LYPD8: variants seen among roughly 807,000 people sequenced by gnomAD.
LYPD8 encodes the protein LY6/PLAUR domain containing 8.
In LYPD8, 8 loss-of-function variants were observed where a neutral mutation model predicts 1.7. That is an observed-to-expected ratio of 4.58 (90% confidence interval 2.69 to 8.27). The LOEUF is 8.27. LYPD8 is among the 30% of genes most tolerant of loss of function. The pLI is 0.00. For synonymous variants in LYPD8, 50 were observed against 43.6 expected, an observed-to-expected ratio of 1.15 and a Z score of -0.58; for missense variants, 112 against 102.3, an observed-to-expected ratio of 1.09 and a Z score of -0.41.
At chr1:248,746,182 T>A (rs953293469) in intron 5 of LYPD8, among the ~76,000 whole-genome samples, 3 of 152,236 alleles carry the variant, frequency 2.0e-5, no homozygotes, top group Non-Finnish European at 2.9e-5. Context: ...ATTATTAGCT[T>A]TAATTTCTAA....
At chr1:248,750,672 CA>C (rs1662785639) in intron 3 of LYPD8, 29 bp from the exon 4 acceptor site, 1 of 398,402 alleles carries the variant, frequency 2.5e-6, no homozygotes, top group Non-Finnish European at 4.4e-6. Flanking sequence ...CAACACCAGT[CA>C]ACATTCAGTA....
intron 6 of LYPD8, among the ~76,000 whole-genome samples, chr1:248,743,959 G>C (rs538282861): frequency 6.6e-6 from 1 of 152,172 alleles, no homozygotes; most frequent in East Asian, 1.9e-4. Context: ...AGGCTTTGGA[G>C]GTTGTTCTTT....
At chr1:248,754,647 C>T (rs1662894252) in intron 2 of LYPD8, among the ~76,000 whole-genome samples, 1 of 152,148 alleles carries the variant, frequency 6.6e-6, no homozygotes, top group African/African-American at 2.4e-5. Context: ...ACCACACACC[C>T]TACCCTGATA....
Position 248,755,255 on chromosome 1 carries a change from A to C in LYPD8, c.-66T>G, listed in dbSNP as rs1168579622. On this transcript the variant is annotated 5_prime_UTR_variant, in exon 2 of 7. Transcript: ENST00000590317. ...GGCCCCCACCTGGGACATGAGAAGA[A>C]GTGGCATCTTAGGCCGTTTCACTAG... 6.6e-6 allele frequency: 1 copy of C among 152,302 alleles called. No individual in the cohort carries two copies. Among genetic ancestry groups the C allele is most frequent in the East Asian group, 1.9e-4 (1 of 5,190 alleles). 9.4% of individuals were successfully genotyped at this position (152,302 alleles called of 1,614,324 possible). A position where few individuals can be genotyped will look rare whatever the true frequency, so the allele number is the denominator to read the frequency against.
chr1:248,752,962 C>CA (rs1662841183), intron 2 of LYPD8, among the ~76,000 whole-genome samples: 3 of 125,610 alleles, frequency 2.4e-5, no homozygotes, highest in East Asian at 5.0e-4. Context: ...ACACCAAACA[C>CA]CCCACACAAC....
intron 5 of LYPD8, among the ~76,000 whole-genome samples, chr1:248,745,834 G>T (rs1183930456): frequency 3.3e-5 from 5 of 152,200 alleles, no homozygotes; most frequent in African/African-American, 1.2e-4. Context: ...AGGAAGCCTT[G>T]AGTCCCTGAG....
intron 2 of LYPD8, among the ~76,000 whole-genome samples, chr1:248,754,145 A>G (rs1662887440): frequency 1.3e-5 from 2 of 150,726 alleles, no homozygotes; most frequent in South Asian, 4.2e-4. Context: ...CACACTTCAC[A>G]CACACCACAC....
Position 248,745,167 on chromosome 1 carries a change from G to A in LYPD8, c.450C>T (p.Val150=), listed in dbSNP as rs1662708740. ...PWKCYEEEQC[V]FLVAELKNDI... The stretch of plus-strand genomic sequence containing the variant: ...CATTCTTAAGTTCTGCAACTAGAAA[G>A]ACACACTGTTCTTCTTCATAGCATT... Residue 150 remains valine (V), a synonymous_variant, in exon 6 of 7, where the codon GTC becomes GTT. Transcript: ENST00000590317. 1 of 398,466 alleles carries A rather than the reference G, an allele frequency of 2.5e-6. No homozygotes were observed. The highest frequency in any genetic ancestry group is 4.4e-5 in the Admixed American group (1 of 22,700). The allele number at this position is 398,466 out of a possible 1,614,324, so 24.7% of individuals were successfully genotyped here.
intron 2 of LYPD8, among the ~76,000 whole-genome samples, chr1:248,753,822 CATA>C (rs2103175210): frequency 6.8e-6 from 1 of 146,574 alleles, no homozygotes; most frequent in East Asian, 2.1e-4. Flanking sequence ...ACACACACCA[CATA>C]ACATCACATG....
chr1:248,750,327 G>A (rs1558208073), intron 4 of LYPD8, among the ~76,000 whole-genome samples, 197 bp downstream of exon 4: 1 of 152,138 alleles, frequency 6.6e-6, no homozygotes, highest in Non-Finnish European at 1.5e-5. Context: ...GGCTCCTGTG[G>A]CTTTGACCCT....
At position 248,739,788 on chromosome 1, in the gene LYPD8, C is replaced by A; in HGVS notation, c.537G>T (p.Gln179His). 1.3e-6 allele frequency: 2 copies of A among 1,551,760 alleles called. No homozygotes were observed. The highest frequency in any genetic ancestry group is 1.7e-6 in the Non-Finnish European group (2 of 1,147,008). ...GAGTCTTGTTTTCACCAGACAGGAA[C>A]TGACAGGTGGCGTTACTGACGTTGG... ...GCSNVSNATC[Q>H]FLSGENKTLG... Residue 179 changes from glutamine (Q) to histidine (H), a missense_variant, in exon 7 of 7, where the codon CAG (glutamine) becomes CAT (histidine). By Grantham distance (24) the Gln-to-His change is conservative (BLOSUM62 0). Coordinates refer to ENST00000590317, the MANE Select transcript of LYPD8 (RefSeq NM_001085474.2). This position sits in a 1 kb window ranked among gnomAD's most constrained non-coding sequence, Gnocchi z 4.3.
intron 2 of LYPD8, among the ~76,000 whole-genome samples, chr1:248,754,017 A>G (rs1332564299): frequency 1.7e-5 from 2 of 116,804 alleles, no homozygotes; most frequent in African/African-American, 3.6e-5. Context: ...CATACACTAC[A>G]TCACACACCA....
chr1:248,749,678 C>T (rs964921885), intron 4 of LYPD8, among the ~76,000 whole-genome samples: 2 of 152,160 alleles, frequency 1.3e-5, no homozygotes, highest in African/African-American at 4.8e-5. Context: ...AGCCTAATCA[C>T]TTCTGAATGG....
At position 248,750,606 on chromosome 1, in the gene LYPD8, T is replaced by C; in HGVS notation, c.90A>G (p.Lys30=). The C allele has an allele frequency of 2.5e-6, 1 of 398,484 alleles. No individual in the cohort carries two copies. Among genetic ancestry groups the C allele is most frequent in the Non-Finnish European group, 4.4e-6 (1 of 226,040 alleles). 24.7% of individuals were successfully genotyped at this position (398,484 alleles called of 1,614,324 possible). A position where few individuals can be genotyped will look rare whatever the true frequency, so the allele number is the denominator to read the frequency against. ...LSCVQCNSWE[K]SCVNSIASEC... is the part of the protein sequence containing the mutation. ...CAGAGGCAATGCTGTTGACACAGGA[T>C]TTTTCCCATGAATTACACTGCACGC... is the stretch of plus-strand genomic sequence containing the variant. The change falls in exon 4 of 7, where the codon AAA becomes AAG. Residue 30 remains lysine (K), a synonymous_variant. Coordinates refer to ENST00000590317, the MANE Select transcript of LYPD8 (RefSeq NM_001085474.2).
chr1:248,750,101 A>C (rs1196894867), intron 4 of LYPD8, among the ~76,000 whole-genome samples: 1 of 152,200 alleles, frequency 6.6e-6, no homozygotes, highest in Non-Finnish European at 1.5e-5. Context: ...AAGAGGTTAC[A>C]ATAGTAGTTA....
At position 248,739,769 on chromosome 1, in the gene LYPD8, T is replaced by C. The variant is rs1553283085; in HGVS notation, c.556A>G (p.Lys186Glu). 6.4e-6 allele frequency: 10 copies of C among 1,551,634 alleles called. No homozygotes were observed. Among genetic ancestry groups the C allele is most frequent in the Admixed American group, 3.9e-5 (2 of 50,994 alleles). The change falls in exon 7 of 7, where the codon AAG (lysine) becomes GAG (glutamate). Residue 186 changes from lysine to glutamate, a missense_variant. Lys to Glu is a moderately conservative substitution (Grantham distance 56, BLOSUM62 1). Coordinates refer to ENST00000590317, the MANE Select transcript of LYPD8 (RefSeq NM_001085474.2). The surrounding 1 kb of genome is among the most constrained non-coding windows in gnomAD (Gnocchi z 4.3). ...CGAAAGATGACTCCTCCAAGAGTCT[T>C]GTTTTCACCAGACAGGAACTGACAG... The part of the protein sequence containing the change: ...ATCQFLSGEN[K>E]TLGGVIFRKF...
intron 6 of LYPD8, among the ~76,000 whole-genome samples, chr1:248,740,205 A>G (rs1286842320): frequency 6.6e-6 from 1 of 152,202 alleles, no homozygotes; most frequent in Non-Finnish European, 1.5e-5. Context: ...AACCAGGAAC[A>G]GATTCAAAAG....
At chr1:248,742,635 C>T (rs111995156) in intron 6 of LYPD8, among the ~76,000 whole-genome samples, 848 of 50,634 alleles carry the variant, frequency 0.017, 3 homozygotes, top group East Asian at 0.023. Context: ...ATGTTGGCAG[C>T]GGGGGAGATT....
chr1:248,750,822 C>T, intron 3 of LYPD8, among the ~76,000 whole-genome samples, 179 bp from the exon 4 acceptor site: 1 of 152,268 alleles, frequency 6.6e-6, no homozygotes, highest in East Asian at 1.9e-4. Context: ...TAGTTTCTCC[C>T]ACTGCTCACT....
Sources: gnomAD v4.1 joint callset for allele counts (sites outside exome capture counted in the v4.1 genomes callset) on GRCh38, gnomAD v4.1.1 for gene constraint, Gnocchi (gnomAD v3.1) non-coding constraint, MANE v1.5 for transcripts, NCBI Gene and HGNC (gene_info 2026-07-23, HGNC 2026-07-21) for gene names.